The following EPM2A variants were observed in gnomAD, a reference collection of about 807,000 sequenced individuals.
EPM2A encodes the protein laforin.
In EPM2A, 21 loss-of-function variants were observed where a neutral mutation model predicts 26.5. That is an observed-to-expected ratio of 0.79 (90% CI 0.56 to 1.14). EPM2A has a LOEUF of 1.14. Among genes scored for constraint, EPM2A ranks in the 50% most tolerant of loss-of-function variants. EPM2A has a pLI of 0.00. For synonymous variants in EPM2A, 217 were observed against 177.6 expected (o/e 1.22, Z -1.76); for missense variants, 458 against 440.8 (o/e 1.04, Z -0.35).
At chr6:145,716,380 A>G (rs1288039067) in intron 1 of EPM2A, among the ~76,000 whole-genome samples, 1 of 152,186 alleles carries the variant, frequency 6.6e-6, no homozygotes, top group Admixed American at 6.5e-5. Flanking sequence ...TGATTTAAAA[A>G]GCTCCCAAGG....
chr6:145,503,551 T>A (rs1194906644), intron 2 of EPM2A, among the ~76,000 whole-genome samples: 4 of 86,078 alleles, frequency 4.6e-5, no homozygotes, highest in African/African-American at 2.3e-4. Context: ...GTGAAGGACC[T>A]CTTCAAGGAG....
At chr6:145,436,004 A>G (rs907223163) in intron 4 of EPM2A, among the ~76,000 whole-genome samples, 1 of 152,156 alleles carries the variant, frequency 6.6e-6, no homozygotes, top group African/African-American at 2.4e-5. Flanking sequence ...TGTACATTCA[A>G]TGGGTTTTTA....
At position 145,671,176 on chromosome 6, in the gene EPM2A, T is replaced by G. The variant is rs748254875; in HGVS notation, c.476+14946A>C. 449 of 1,013,672 alleles carry G rather than the reference T, an allele frequency of 4.4e-4. 4 individuals are homozygous for G. The highest frequency in any genetic ancestry group is 1.5e-4 in the Non-Finnish European group (125 of 845,302). The allele number at this position is 1,013,672 out of a possible 1,614,324, so 62.8% of individuals were successfully genotyped here. A position where few individuals can be genotyped will look rare whatever the true frequency, so the allele number is the denominator to read the frequency against. ...AAAAAGATTCTTGTCGAAGTTTGAT[T>G]TATAAATGCGAGCAAAGTAAAAAAA... On this transcript the variant is annotated intron_variant, in intron 2 of 3. Coordinates refer to ENST00000367519, the MANE Select transcript of EPM2A (RefSeq NM_005670.4).
chr6:145,711,062 G>A (rs1313596206), intron 1 of EPM2A, among the ~76,000 whole-genome samples: 3 of 151,976 alleles, frequency 2.0e-5, no homozygotes, highest in Admixed American at 1.3e-4. Context: ...CATGGCACAA[G>A]TATACATATG....
chr6:145,640,805 C>A (rs1381324491), intron 2 of EPM2A: 1 of 152,124 alleles, frequency 6.6e-6, no homozygotes, highest in Non-Finnish European at 1.5e-5. Context: ...ACATACAGCT[C>A]CTTCTGCTGA....
intron 2 of EPM2A, among the ~76,000 whole-genome samples, chr6:145,558,514 C>G (rs1256409291): frequency 6.6e-6 from 1 of 151,968 alleles, no homozygotes; most frequent in African/African-American, 2.4e-5. Context: ...TACTGTTTTA[C>G]ATAATGTCTG....
At chr6:145,658,482 C>T (rs1778453376) in intron 2 of EPM2A, among the ~76,000 whole-genome samples, 1 of 152,150 alleles carries the variant, frequency 6.6e-6, no homozygotes, top group Admixed American at 6.5e-5. Context: ...AAGCAGAAAT[C>T]CCAGTGGATG....
intron 2 of EPM2A, among the ~76,000 whole-genome samples, chr6:145,646,687 C>T (rs1249254998): frequency 6.6e-6 from 1 of 152,152 alleles, no homozygotes; most frequent in Non-Finnish European, 1.5e-5. Context: ...AGATATCTCA[C>T]TGACATACAT....
At chr6:145,503,420 A>C (rs531681293) in intron 2 of EPM2A, among the ~76,000 whole-genome samples, 2 of 129,044 alleles carry the variant, frequency 1.5e-5, no homozygotes, top group South Asian at 2.9e-4. Context: ...TCAATGTACA[A>C]AAATCACAAG....
intron 2 of EPM2A, among the ~76,000 whole-genome samples, chr6:145,543,333 A>G (rs1346149650): frequency 1.3e-5 from 2 of 152,174 alleles, no homozygotes; most frequent in South Asian, 2.1e-4. Context: ...AAGCAAAAAT[A>G]GCATTATAAA....
chr6:145,423,437 A>G (rs1778814581), intron 4 of EPM2A, among the ~76,000 whole-genome samples: 1 of 152,204 alleles, frequency 6.6e-6, no homozygotes, highest in Non-Finnish European at 1.5e-5. Flanking sequence ...CAACCATGGA[A>G]AAACTATGAG....
intron 2 of EPM2A, among the ~76,000 whole-genome samples, chr6:145,679,882 G>C (rs1384981801): frequency 3.9e-5 from 6 of 152,038 alleles, no homozygotes; most frequent in Admixed American, 2.0e-4. Flanking sequence ...CATTTACATA[G>C]GCATACGAAT....
intron 2 of EPM2A, among the ~76,000 whole-genome samples, chr6:145,583,933 G>A (rs778101398): frequency 1.3e-5 from 2 of 152,180 alleles, no homozygotes; most frequent in Non-Finnish European, 2.9e-5. Flanking sequence ...AGCAGGCAGG[G>A]TGGTGGGGGG....
chr6:145,564,871 G>A (rs1377591159), intron 2 of EPM2A, among the ~76,000 whole-genome samples: 1 of 151,988 alleles, frequency 6.6e-6, no homozygotes, highest in African/African-American at 2.4e-5. Flanking sequence ...GCTGGAAGGG[G>A]ATCTAGCTAC....
chr6:145,505,095 T>C (rs1448389133), intron 2 of EPM2A, among the ~76,000 whole-genome samples: 1 of 96,158 alleles, frequency 1.0e-5, no homozygotes, highest in Non-Finnish European at 2.0e-5. Flanking sequence ...GGGACTGTGG[T>C]GGGGTGGGGG....
chr6:145,641,927 C>G (rs1562432959), intron 2 of EPM2A, among the ~76,000 whole-genome samples: 1 of 152,140 alleles, frequency 6.6e-6, no homozygotes, highest in South Asian at 2.1e-4. Context: ...TCTTACATGA[C>G]TCTCAGAGAA....
chr6:145,471,589 T>A (rs1406079859), intron 4 of EPM2A, among the ~76,000 whole-genome samples: 1 of 152,082 alleles, frequency 6.6e-6, no homozygotes, highest in African/African-American at 2.4e-5. Flanking sequence ...AGCTGCAGCA[T>A]GGTGTGAAGA....
intron 1 of EPM2A, chr6:145,721,124 CTG>C (rs1184817427): frequency 6.6e-6 from 1 of 152,286 alleles, no homozygotes; most frequent in East Asian, 1.9e-4. Flanking sequence ...GATCATGCCA[CTG>C]TACTCCAGCC....
intron 4 of EPM2A, among the ~76,000 whole-genome samples, chr6:145,443,342 T>C (rs1779092111): frequency 6.6e-6 from 1 of 152,188 alleles, no homozygotes; most frequent in South Asian, 2.1e-4. Context: ...TTTAACAATA[T>C]TGATTCTTCT....
Sources: gnomAD v4.1 joint callset for allele counts (sites outside exome capture counted in the v4.1 genomes callset) on GRCh38, gnomAD v4.1.1 for gene constraint, MANE v1.5 for transcripts, NCBI Gene and HGNC (gene_info 2026-07-23, HGNC 2026-07-21) for gene names.